The following ARAP1 variants were observed in gnomAD, a reference collection of about 807,000 sequenced individuals.
ARAP1 encodes the protein ArfGAP with RhoGAP domain, ankyrin repeat and PH domain 1.
A neutral mutation model predicts 172.2 loss-of-function variants in ARAP1; 76 were observed. That is an observed-to-expected ratio of 0.44 (90% CI 0.37 to 0.53). The LOEUF is 0.53. ARAP1 is among the 20% of genes least tolerant of loss of function. ARAP1 has a pLI of 0.00. For missense variants in ARAP1, 1,686 were observed against 1,977.5 expected (o/e 0.85, Z 2.80); for synonymous variants, 804 against 803.3 (o/e 1.00, Z -0.01).
intron 30 of ARAP1, among the ~76,000 whole-genome samples, chr11:72,692,258 G>A (rs957167952): frequency 3.3e-5 from 5 of 152,154 alleles, no homozygotes; most frequent in African/African-American, 1.2e-4. Context: ...CTAGGAGTGT[G>A]CAGAGTGGAA....
chr11:72,699,630 C>T lies in ARAP1; in HGVS notation c.2303-78G>A. 1 of 1,532,838 alleles carries T rather than the reference C, an allele frequency of 6.5e-7. No homozygotes were observed. The highest frequency in any genetic ancestry group is 8.8e-7 in the Non-Finnish European group (1 of 1,137,740). The allele number at this position is 1,532,838 out of a possible 1,614,324, so 95.0% of individuals were successfully genotyped here. A position where few individuals can be genotyped will look rare whatever the true frequency, so the allele number is the denominator to read the frequency against. On this transcript the variant is annotated intron_variant, in intron 16 of 34. Coordinates refer to ENST00000393609, the MANE Select transcript of ARAP1 (RefSeq NM_001040118.3). This position sits in a 1 kb window ranked among gnomAD's most constrained non-coding sequence, Gnocchi z 4.2. ...ACCACCTCTGCATCCTCCCGGGGCT[C>T]CTGCTCCCATCTGACCCATGAGCTC... is the stretch of plus-strand genomic sequence containing the variant.
intron 30 of ARAP1, 85 bp downstream of exon 30, chr11:72,692,668 C>T: frequency 6.4e-7 from 1 of 1,563,502 alleles, no homozygotes; most frequent in Non-Finnish European, 8.8e-7. Flanking sequence ...GGCCAGGAGC[C>T]CTGGCTGTCT....
intron 14 of ARAP1, 124 bp from the exon 15 acceptor site, chr11:72,703,203 A>G: frequency 1.1e-6 from 1 of 948,890 alleles, no homozygotes; most frequent in Non-Finnish European, 1.5e-6. Flanking sequence ...CCATCCTCAG[A>G]CTGAAAGAGA....
Position 72,710,883 on chromosome 11 carries a change from C to T in ARAP1, c.1213+138G>A. 6.6e-7 allele frequency: 1 copy of T among 1,521,290 alleles called. No individual in the cohort carries two copies. The allele number at this position is 1,521,290 out of a possible 1,614,324, so 94.2% of individuals were successfully genotyped here. Reference sequence around the variant, plus strand: ...AGAGGGTGCCCCCTTCCTCTGCCCACCTCACAAAGGCAGCATGCCTCCCCG... The same window carrying T: ...AGAGGGTGCCCCCTTCCTCTGCCCATCTCACAAAGGCAGCATGCCTCCCCG... On this transcript the variant is annotated intron_variant, in intron 9 of 34. Transcript: ENST00000393609. The surrounding 1 kb of genome is among the most constrained non-coding windows in gnomAD (Gnocchi z 4.3).
chr11:72,694,822 C>A (rs1380536742), intron 27 of ARAP1, among the ~76,000 whole-genome samples, 158 bp downstream of exon 27: 1 of 152,154 alleles, frequency 6.6e-6, no homozygotes, highest in African/African-American at 2.4e-5. Flanking sequence ...CTGCCAGCAC[C>A]CTATCACCAC....
At chr11:72,737,179 G>A (rs1018315978) in intron 1 of ARAP1, among the ~76,000 whole-genome samples, 1 of 152,164 alleles carries the variant, frequency 6.6e-6, no homozygotes, top group Non-Finnish European at 1.5e-5. Flanking sequence ...GTATCCTGGA[G>A]TATCCTGAGA....
In ARAP1 at chr11:72,712,475, C is replaced by T. The variant is rs1565221764; in HGVS notation, c.841G>A (p.Glu281Lys). The T allele has an allele frequency of 6.2e-7, 1 of 1,607,168 alleles. No homozygotes were observed. The highest frequency in any genetic ancestry group is 8.5e-7 in the Non-Finnish European group (1 of 1,174,914). The change falls in exon 6 of 35, where the codon GAG becomes AAG. Residue 281 changes from glutamate (E) to lysine (K), a missense_variant. Physicochemically the swap from Glu to Lys is moderately conservative, Grantham distance 56. Around this residue, in one of 5 missense-constraint regions of ARAP1, gnomAD observed 688 missense variants for 856.9 expected, o/e 0.80. Coordinates refer to ENST00000393609, the MANE Select transcript of ARAP1 (RefSeq NM_001040118.3). ...EELSGDDQGD[E>K]EEDDHAYEGV... is the part of the protein sequence containing the mutation. The stretch of plus-strand genomic sequence containing the variant: ...TCATAGGCGTGGTCATCCTCTTCCT[C>T]ATCCCCTTGGTCGTCCCCAGACAGT...
intron 14 of ARAP1, 151 bp downstream of exon 14, chr11:72,704,001 C>T (rs1002894760): frequency 2.6e-5 from 28 of 1,061,580 alleles, no homozygotes; most frequent in Non-Finnish European, 3.5e-5. Context: ...ATGGCTTAGG[C>T]AGGGCCCTTC....
At chr11:72,707,643 G>C (rs1565218807) in intron 11 of ARAP1, among the ~76,000 whole-genome samples, 1 of 152,198 alleles carries the variant, frequency 6.6e-6, no homozygotes, top group Non-Finnish European at 1.5e-5. Flanking sequence ...CCTGAGCTAA[G>C]ATTCGACAGA....
chr11:72,721,278 C>T (rs915473567), intron 3 of ARAP1, among the ~76,000 whole-genome samples: 1 of 152,130 alleles, frequency 6.6e-6, no homozygotes, highest in Non-Finnish European at 1.5e-5. Flanking sequence ...GGAGACCAGC[C>T]CCCACACTCC....
intron 5 of ARAP1, chr11:72,712,921 G>T: frequency 1.7e-6 from 1 of 598,230 alleles, no homozygotes. Flanking sequence ...AACACACAGG[G>T]TGGGGGGAGG....
intron 34 of ARAP1, 39 bp from the exon 35 acceptor site, chr11:72,685,720 G>T: frequency 6.2e-7 from 1 of 1,613,602 alleles, no homozygotes; most frequent in Non-Finnish European, 8.5e-7. Flanking sequence ...TTTTGTGAAG[G>T]CCCAGAGGGG....
At position 72,695,289 on chromosome 11, in the gene ARAP1, T is replaced by G; in HGVS notation, c.3576+98A>C. ...CCAGATACAGGTCCCAAACTGGTCCTCTCCTCGGGGTAGAAGCACTGCTCC... is the reference window on the plus strand; with the variant it reads ...CCAGATACAGGTCCCAAACTGGTCCGCTCCTCGGGGTAGAAGCACTGCTCC... On this transcript the variant is annotated intron_variant, in intron 26 of 34. Coordinates refer to ENST00000393609, the MANE Select transcript of ARAP1 (RefSeq NM_001040118.3). This position sits in a 1 kb window ranked among gnomAD's most constrained non-coding sequence, Gnocchi z 4.4. 6.5e-7 allele frequency: 1 copy of G among 1,533,844 alleles called. No individual in the cohort carries two copies. Among genetic ancestry groups the G allele is most frequent in the Admixed American group, 1.7e-5 (1 of 58,888 alleles).
chr11:72,750,458 T>C (rs1394281163), intron 1 of ARAP1, among the ~76,000 whole-genome samples: 4 of 152,026 alleles, frequency 2.6e-5, no homozygotes, highest in Non-Finnish European at 5.9e-5. Flanking sequence ...CTAGGCCTGG[T>C]CCACCACTAG....
chr11:72,728,679 G>T lies in ARAP1; in HGVS notation c.-44-1507C>A, dbSNP rs148648537. ...CAAACAGGTAGAAACCAGGATGAAAGACCCCATTTACAAAAGCATCACAAA... is the reference window on the plus strand; with the variant it reads ...CAAACAGGTAGAAACCAGGATGAAATACCCCATTTACAAAAGCATCACAAA... On this transcript the variant is annotated intron_variant, in intron 2 of 34. Transcript: ENST00000393609. 1.8e-3 allele frequency among the ~76,000 whole-genome samples: 281 copies of T among 152,244 alleles called. 2 individuals are homozygous for T. Among genetic ancestry groups the T allele is most frequent in the Middle Eastern group, 6.8e-3 (2 of 294 alleles).
intron 12 of ARAP1, among the ~76,000 whole-genome samples, chr11:72,706,280 C>A (rs1314782524): frequency 6.6e-6 from 1 of 152,212 alleles, no homozygotes. Context: ...CCTCCTTCAT[C>A]TTTCTACCCA....
intron 21 of ARAP1, 49 bp from the exon 22 acceptor site, chr11:72,697,244 G>T: frequency 6.3e-7 from 1 of 1,590,378 alleles, no homozygotes; most frequent in South Asian, 1.1e-5. Flanking sequence ...ATAGAGTCAT[G>T]GGGCGGGGCC....
chr11:72,746,811 A>T (rs78437072), intron 1 of ARAP1, among the ~76,000 whole-genome samples: 1 of 152,348 alleles, frequency 6.6e-6, no homozygotes, highest in African/African-American at 2.4e-5. Context: ...GAGTACAGTA[A>T]AGATAAATGC....
chr11:72,709,877 T>C lies in ARAP1; in HGVS notation c.1516A>G (p.Ile506Val). 1 of 1,614,036 alleles carries C rather than the reference T, an allele frequency of 6.2e-7. No individual in the cohort carries two copies. The highest frequency in any genetic ancestry group is 8.5e-7 in the Non-Finnish European group (1 of 1,179,946). Reference sequence around the variant, plus strand: ...AAGAAGATGGAGGGTCACCTGAAGATGCGGTAGGGCGTGGTGAGGTCGAAG... The same window carrying C: ...AAGAAGATGGAGGGTCACCTGAAGACGCGGTAGGGCGTGGTGAGGTCGAAG... Reference protein sequence around the residue: ...RSFDLTTPYRIFSFSADSELE... With the variant: ...RSFDLTTPYRVFSFSADSELE... The change falls in exon 11 of 35, where the codon ATC becomes GTC. Residue 506 changes from isoleucine (I) to valine (V), a missense_variant. Ile to Val is a conservative substitution (Grantham distance 29). Coordinates refer to ENST00000393609, the MANE Select transcript of ARAP1 (RefSeq NM_001040118.3).
Sources: allele counts gnomAD v4.1 joint callset (sites outside exome capture counted in the v4.1 genomes callset), GRCh38; gene constraint gnomAD v4.1.1; regional missense constraint gnomAD v4.1.1; non-coding constraint Gnocchi (gnomAD v3.1); transcripts MANE v1.5; gene names NCBI Gene and HGNC (gene_info 2026-07-23, HGNC 2026-07-21).